Variants in STAB2 observed in about 807,000 individuals in gnomAD.
STAB2 encodes the protein stabilin-2.
Under a neutral mutation model 338.1 loss-of-function variants are expected in STAB2, and 288 were observed. That is an observed-to-expected ratio of 0.85 (90% CI 0.77 to 0.94). The LOEUF (loss-of-function observed/expected upper bound fraction) is 0.94. Among genes scored for constraint, STAB2 ranks in the 40% least tolerant of loss-of-function variants. The probability of loss-of-function intolerance (pLI) is 0.00; values close to 1 mark genes in which losing one functional copy is unlikely to be tolerated. For missense variants in STAB2, 3,141 were observed against 3,210.1 expected (o/e 0.98, Z 0.52); for synonymous variants, 1,202 against 1,193.3 (o/e 1.01, Z -0.15).
chr12:103,636,629 G>A (rs962239969), intron 6 of STAB2, among the ~76,000 whole-genome samples: 3 of 152,054 alleles, frequency 2.0e-5, no homozygotes, highest in Admixed American at 6.6e-5. Flanking sequence ...TAAGTATTAA[G>A]CTGTACTTCA....
At chr12:103,766,233 C>A in intron 68 of STAB2, 53 bp from the exon 69 acceptor site, 1 of 1,610,868 alleles carries the variant, frequency 6.2e-7, no homozygotes. Context: ...AAAGATTCAA[C>A]TAGGACTCAA....
intron 9 of STAB2, 119 bp downstream of exon 9, chr12:103,640,375 C>T: frequency 7.7e-7 from 1 of 1,295,938 alleles, no homozygotes; most frequent in Non-Finnish European, 1.1e-6. Flanking sequence ...TCCACCCCCA[C>T]CCCACATAGT....
In STAB2 at chr12:103,702,009, CACACACACACACA is replaced by C. The variant is rs1566028066; in HGVS notation, c.3715-1138_3715-1126del. Among the ~76,000 whole-genome samples the C allele has an allele frequency of 3.0e-3, 437 of 145,472 alleles. 2 individuals are homozygous for C. Among genetic ancestry groups the C allele is most frequent in the African/African-American group, 0.011 (417 of 38,130 alleles). On this transcript the variant is annotated intron_variant, in intron 34 of 68. Coordinates refer to ENST00000388887, the MANE Select transcript of STAB2 (RefSeq NM_017564.10). ...ACACACACACACACACACACACACACACACACACACACACCCCACCCCAATTTTTCAAAGAATG... is the reference window on the plus strand; with the variant it reads ...ACACACACACACACACACACACACACCCCCACCCCAATTTTTCAAAGAATG...
intron 19 of STAB2, among the ~76,000 whole-genome samples, chr12:103,667,446 T>C (rs888295799): frequency 1.3e-5 from 2 of 152,226 alleles, no homozygotes; most frequent in Non-Finnish European, 2.9e-5. Flanking sequence ...GTAAACCACC[T>C]TGTACAAGGT....
At chr12:103,729,041 C>T (rs1225137779) in intron 48 of STAB2, 46 bp downstream of exon 48, 7 of 1,598,166 alleles carry the variant, frequency 4.4e-6, no homozygotes, top group South Asian at 2.2e-5. Context: ...AGATCATGTC[C>T]TTTGCAGGAA....
At chr12:103,668,259 G>A (rs1411605322) in intron 19 of STAB2, among the ~76,000 whole-genome samples, 2 of 152,220 alleles carry the variant, frequency 1.3e-5, no homozygotes, top group African/African-American at 2.4e-5. Flanking sequence ...ATGAAGTGTA[G>A]ATAGACCCTT....
rs1374040468 is a variant in STAB2 at position 103,713,506 on chromosome 12, T to C, written c.4412-137T>C. 3 of 1,284,302 alleles carry C rather than the reference T, an allele frequency of 2.3e-6. No homozygotes were observed. The African/African-American group carries it at 4.5e-5, about 19-fold the overall frequency. The allele number at this position is 1,284,302 out of a possible 1,614,324, so 79.6% of individuals were successfully genotyped here. On this transcript the variant is annotated intron_variant, in intron 41 of 68. Coordinates refer to ENST00000388887, the MANE Select transcript of STAB2 (RefSeq NM_017564.10). ...AGATGTTTTACTTGCTCTCTGTTTT[T>C]GGGAATTGGCCATATTTAATCCAGT... is the stretch of plus-strand genomic sequence containing the variant.
At chr12:103,616,472 T>C (rs1035427215) in intron 3 of STAB2, among the ~76,000 whole-genome samples, 1 of 152,212 alleles carries the variant, frequency 6.6e-6, no homozygotes, top group Non-Finnish European at 1.5e-5. Flanking sequence ...ATAAGTTGGT[T>C]CCATGCTTGG....
intron 27 of STAB2, among the ~76,000 whole-genome samples, chr12:103,686,658 A>G (rs1365545390): frequency 6.6e-6 from 1 of 152,102 alleles, no homozygotes; most frequent in Middle Eastern, 3.2e-3. Context: ...AGAATGTGTC[A>G]CCACACTCAG....
At chr12:103,680,319 G>GA (rs552134713) in intron 25 of STAB2, among the ~76,000 whole-genome samples, 103 of 150,814 alleles carry the variant, frequency 6.8e-4, no homozygotes, top group African/African-American at 2.2e-3. Context: ...TTCTTAAGAA[G>GA]AAAAAAAAAC....
intron 15 of STAB2, chr12:103,657,912 A>G (rs1167918730): frequency 6.6e-6 from 1 of 152,224 alleles, no homozygotes; most frequent in African/African-American, 2.4e-5. Flanking sequence ...TGGAAAATAA[A>G]CAGTCCTCTT....
At position 103,753,345 on chromosome 12, in the gene STAB2, G is replaced by A; in HGVS notation, c.6706G>A (p.Ala2236Thr). ...TMATYNQLSY[A>T]QKAKYHLCSA... is the part of the protein sequence containing the mutation. ...GGCAACCTACAACCAGCTCTCCTAT[G>A]CCCAGAAGGTGGGTCTTCAGTTAGC... Residue 2236 changes from alanine to threonine, a missense_variant, in exon 61 of 69, where the codon GCC (alanine) becomes ACC (threonine). By Grantham distance (58) the Ala-to-Thr change is moderately conservative. Coordinates refer to ENST00000388887, the MANE Select transcript of STAB2 (RefSeq NM_017564.10). The A allele has an allele frequency of 6.2e-7, 1 of 1,614,246 alleles. No homozygotes were observed. Among genetic ancestry groups the A allele is most frequent in the Non-Finnish European group, 8.5e-7 (1 of 1,180,038 alleles).
chr12:103,668,497 C>A, intron 19 of STAB2, 146 bp from the exon 20 acceptor site: 1 of 695,886 alleles, frequency 1.4e-6, no homozygotes, highest in South Asian at 1.7e-5. Context: ...CTGATGTAGA[C>A]CCAGGTCTGC....
rs201675822 is a variant in STAB2 at position 103,750,638 on chromosome 12, G to A, written c.6498G>A (p.Pro2166=). The part of the protein sequence containing the change: ...HYVGDGLNCE[P]EQLPIDRCLQ... ...TCGGAGATGGGCTGAACTGTGAGCC[G>A]GAGCAGCTGCCCATTGACCGCTGCT... The change falls in exon 60 of 69, where the codon CCG becomes CCA. Residue 2166 remains proline, a synonymous_variant. Coordinates refer to ENST00000388887, the MANE Select transcript of STAB2 (RefSeq NM_017564.10). The A allele has an allele frequency of 8.7e-5, 141 of 1,614,220 alleles. No homozygotes were observed. Among genetic ancestry groups the A allele is most frequent in the East Asian group, 1.8e-4 (8 of 44,878 alleles).
At chr12:103,654,080 T>C (rs1369371688) in intron 12 of STAB2, among the ~76,000 whole-genome samples, 1 of 152,222 alleles carries the variant, frequency 6.6e-6, no homozygotes, top group Non-Finnish European at 1.5e-5. Flanking sequence ...CTCACAAGGA[T>C]ATGCATGTAT....
rs1876497717 is a variant in STAB2, at chr12:103,677,549, C to T, written c.2743C>T (p.Leu915=). 1.2e-6 allele frequency: 2 copies of T among 1,614,202 alleles called. No homozygotes were observed. Among genetic ancestry groups the T allele is most frequent in the Non-Finnish European group, 1.7e-6 (2 of 1,180,024 alleles). Residue 915 remains leucine, a synonymous_variant, in exon 25 of 69, where the codon CTG becomes TTG. Transcript: ENST00000388887. The part of the protein sequence containing the change: ...GRDCSEINNC[L]LPSAGGCHDN... ...AGACTGCTCGGAGATCAACAACTGCCTGCTGCCCAGTGCAGGCGGCTGCCA... is the reference window on the plus strand; with the variant it reads ...AGACTGCTCGGAGATCAACAACTGCTTGCTGCCCAGTGCAGGCGGCTGCCA...
rs1957282874 is a variant in STAB2 at position 103,620,561 on chromosome 12, C to A, written c.417+8C>A. ...GGAACCTGCTCCTGCCAAGTAAGTT[C>A]AAAAATGTGTTCTTCCTTTCCTGGT... On this transcript the variant is annotated splice_region_variant and intron_variant, in intron 4 of 68. Transcript: ENST00000388887. The A allele has an allele frequency of 1.9e-6, 3 of 1,555,860 alleles. No homozygotes were observed. The highest frequency in any genetic ancestry group is 1.7e-6 in the Non-Finnish European group (2 of 1,149,022).
intron 42 of STAB2, 122 bp downstream of exon 42, chr12:103,713,890 G>T: frequency 6.7e-7 from 1 of 1,483,532 alleles, no homozygotes; most frequent in Admixed American, 1.9e-5. Context: ...CCATTTGCCA[G>T]GGCAGGAAAG....
chr12:103,739,527 CTGTGTGTGTGTGTGTG>C (rs35471201), intron 54 of STAB2, 59 bp downstream of exon 54: 8,566 of 671,566 alleles, frequency 0.013, 6 homozygotes, highest in East Asian at 0.026. Flanking sequence ...ATTATCAGAC[CTGTGTGTGTGTGTGTG>C]TGTGTGTGTG....
Sources: allele counts gnomAD v4.1 joint callset (sites outside exome capture counted in the v4.1 genomes callset), GRCh38; gene constraint gnomAD v4.1.1; transcripts MANE v1.5; gene names NCBI Gene and HGNC (gene_info 2026-07-23, HGNC 2026-07-21).